The following KNL1 variants were observed in gnomAD, a reference collection of about 807,000 sequenced individuals.
The protein encoded by KNL1 is kinetochore scaffold 1.
KNL1 carries 66 observed loss-of-function variants against 201.3 expected under a neutral mutation model. The ratio of observed to expected loss-of-function variants is 0.33; its 90% CI spans 0.27 to 0.40. KNL1 has a LOEUF of 0.40. Among genes scored for constraint, KNL1 ranks in the 10% least tolerant of loss-of-function variants. The probability of loss-of-function intolerance (pLI) is 1.00; values close to 1 mark genes in which losing one functional copy is unlikely to be tolerated. For synonymous variants in KNL1, 895 were observed against 899.2 expected, an observed-to-expected ratio of 1.00 and a Z score of 0.08; for missense variants, 2,815 against 2,690.5, an observed-to-expected ratio of 1.05 and a Z score of -1.02.
chr15:40,596,247 G>T (rs1595909460), intron 1 of KNL1, among the ~76,000 whole-genome samples: 1 of 152,118 alleles, frequency 6.6e-6, no homozygotes, highest in South Asian at 2.1e-4. Flanking sequence ...AGAAATTGAA[G>T]GAAAATATGA....
At chr15:40,661,148 C>A (rs1331969754) in intron 25 of KNL1, among the ~76,000 whole-genome samples, 3 of 151,334 alleles carry the variant, frequency 2.0e-5, no homozygotes, top group Non-Finnish European at 4.4e-5. Context: ...CCAAGGTGGG[C>A]AGATCACTTG....
At chr15:40,599,734 ATC>A (rs1328301306) in intron 1 of KNL1, among the ~76,000 whole-genome samples, 1 of 150,168 alleles carries the variant, frequency 6.7e-6, no homozygotes, top group Non-Finnish European at 1.5e-5. Context: ...TTACCTTTTA[ATC>A]TGTTAGTAAG....
rs974073902 is a variant in KNL1 at position 40,643,852 on chromosome 15, A to G, written c.5799-1145A>G. ...GAATAATCAGGCTTTTCTTGAATGAATTCCCCTCTTATTATGTAGAAAAAA... is the reference window on the plus strand; with the variant it reads ...GAATAATCAGGCTTTTCTTGAATGAGTTCCCCTCTTATTATGTAGAAAAAA... On this transcript the variant is annotated intron_variant, in intron 14 of 25. Transcript: ENST00000399668. Among the ~76,000 whole-genome samples, 4 of 152,158 alleles carry G rather than the reference A, an allele frequency of 2.6e-5. No homozygotes were observed. In the East Asian group the frequency reaches 7.7e-4, roughly 29 times the overall value.
At chr15:40,606,796 G>C (rs967440032) in intron 4 of KNL1, among the ~76,000 whole-genome samples, 6 of 152,126 alleles carry the variant, frequency 3.9e-5, no homozygotes, top group African/African-American at 1.2e-4. Flanking sequence ...GGGTCTGACT[G>C]TTGCCCAGAC....
chr15:40,651,123 G>C (rs1456228951), intron 19 of KNL1, among the ~76,000 whole-genome samples: 1 of 150,476 alleles, frequency 6.6e-6, no homozygotes, highest in Non-Finnish European at 1.5e-5. Flanking sequence ...TATATCTTAT[G>C]ATCTACATTA....
intron 16 of KNL1, 83 bp from the exon 17 acceptor site, chr15:40,646,904 G>T: frequency 1.7e-6 from 1 of 593,974 alleles, no homozygotes. Context: ...GATCATGATA[G>T]AGCGATTATG....
chr15:40,625,457 A>G lies in KNL1; in HGVS notation c.5193A>G (p.Ile1731Met), dbSNP rs1171154686. The change falls in exon 10 of 26, where the codon ATA (isoleucine) becomes ATG (methionine). Residue 1731 changes from isoleucine (I) to methionine (M), a missense_variant. Ile to Met is a conservative substitution (Grantham distance 10). Transcript: ENST00000399668. ...DEINSSDSIN[I>M]ETEEKALIET... ...TCAATTCTTCAGACTCTATTAACAT[A>G]GAAACTGAGGAAAAGGCCTTGATTG... is the stretch of plus-strand genomic sequence containing the variant. 1 of 1,614,014 alleles carries G rather than the reference A, an allele frequency of 6.2e-7. No individual in the cohort carries two copies. Among genetic ancestry groups the G allele is most frequent in the Non-Finnish European group, 8.5e-7 (1 of 1,179,974 alleles).
intron 12 of KNL1, 63 bp downstream of exon 12, chr15:40,628,741 C>A: frequency 9.6e-7 from 1 of 1,040,824 alleles, no homozygotes; most frequent in Non-Finnish European, 1.4e-6. Context: ...CGTCTCATTT[C>A]TAATACACGT....
Position 40,605,135 on chromosome 15 carries a change from A to G in KNL1, c.61A>G (p.Arg21Gly), listed in dbSNP as rs1217606683. The stretch of plus-strand genomic sequence containing the variant: ...TGACAATATAGAGAGACCTGTTAGA[A>G]GACGGCATTCTTCAGTAAGAAAGAC... ...ENDNIERPVR[R>G]RHSSILKPPR... is the part of the protein sequence containing the mutation. Residue 21 changes from arginine to glycine, a missense_variant, in exon 3 of 26, where the codon AGA (arginine) becomes GGA (glycine). By Grantham distance (125) the Arg-to-Gly change is moderately radical. Transcript: ENST00000399668. The G allele has an allele frequency of 6.8e-7, 1 of 1,476,994 alleles. No homozygotes were observed. The highest frequency in any genetic ancestry group is 9.5e-7 in the Non-Finnish European group (1 of 1,055,916). The allele number at this position is 1,476,994 out of a possible 1,614,324, so 91.5% of individuals were successfully genotyped here. A position where few individuals can be genotyped will look rare whatever the true frequency, so the allele number is the denominator to read the frequency against.
chr15:40,618,179 T>C (rs1037448422), intron 8 of KNL1, among the ~76,000 whole-genome samples: 1 of 151,972 alleles, frequency 6.6e-6, no homozygotes, highest in South Asian at 2.1e-4. Context: ...TTTGTAGTTC[T>C]AAAATAAGTC....
chr15:40,604,144 A>G (rs1009801946), intron 2 of KNL1, among the ~76,000 whole-genome samples: 1 of 151,800 alleles, frequency 6.6e-6, no homozygotes, highest in South Asian at 2.1e-4. Flanking sequence ...CATCATCATC[A>G]TCATCATCTC....
Position 40,646,988 on chromosome 15 carries a change from A to G in KNL1, c.6008A>G (p.Asn2003Ser), listed in dbSNP as rs376433284. ...LYGKLVQSAQ[N>S]EREKLQIKID... ...CAGTCTATAATCTTTTGTATTTAGA[A>G]TGAGAGGGAGAAACTTCAAATAAAG... Residue 2003 changes from asparagine to serine, a missense_variant and splice_region_variant, in exon 17 of 26, where the codon AAT becomes AGT. Around this residue, in one of 3 missense-constraint regions of KNL1, gnomAD observed 334 missense variants for 362.6 expected, o/e 0.92. Transcript: ENST00000399668. The G allele has an allele frequency of 6.8e-6, 9 of 1,323,442 alleles. No individual in the cohort carries two copies. The highest frequency in any genetic ancestry group is 9.8e-6 in the Non-Finnish European group (9 of 916,398). The allele number at this position is 1,323,442 out of a possible 1,614,324, so 82.0% of individuals were successfully genotyped here. A position where few individuals can be genotyped will look rare whatever the true frequency, so the allele number is the denominator to read the frequency against.
chr15:40,644,913 A>G (rs1008719247), intron 14 of KNL1, 84 bp from the exon 15 acceptor site: 7 of 769,790 alleles, frequency 9.1e-6, no homozygotes, highest in Non-Finnish European at 1.5e-5. Flanking sequence ...GGAGTCTCTT[A>G]CGTCTTTCCT....
At chr15:40,606,703 A>G (rs182702511) in intron 4 of KNL1, among the ~76,000 whole-genome samples, 63 of 152,276 alleles carry the variant, frequency 4.1e-4, no homozygotes, top group African/African-American at 8.4e-4. Context: ...GGCTCAATCA[A>G]TCTTCCCGCC....
intron 20 of KNL1, 62 bp downstream of exon 20, chr15:40,651,634 G>T (rs910845664): frequency 1.7e-6 from 2 of 1,150,364 alleles, no homozygotes; most frequent in Non-Finnish European, 2.5e-6. Context: ...TGTTTAAACC[G>T]ATTGGAGCAA....
chr15:40,642,731 G>T (rs946257885), intron 14 of KNL1, among the ~76,000 whole-genome samples: 1 of 152,104 alleles, frequency 6.6e-6, no homozygotes, highest in Non-Finnish European at 1.5e-5. Flanking sequence ...GGGTTCAAGC[G>T]ATTCTCTTGC....
chr15:40,652,284 TA>T (rs768782743), intron 21 of KNL1, among the ~76,000 whole-genome samples, 179 bp downstream of exon 21: 5 of 152,120 alleles, frequency 3.3e-5, no homozygotes, highest in Non-Finnish European at 7.4e-5. Context: ...AAGAATAAAA[TA>T]AAAATGGAAT....
chr15:40,618,320 T>A (rs1002058059), intron 8 of KNL1, among the ~76,000 whole-genome samples: 17 of 152,080 alleles, frequency 1.1e-4, no homozygotes, highest in African/African-American at 3.9e-4. Context: ...CTTATTACTT[T>A]TTACTATTTT....
intron 13 of KNL1, among the ~76,000 whole-genome samples, chr15:40,635,681 G>C (rs1893036849): frequency 1.3e-5 from 2 of 152,090 alleles, no homozygotes; most frequent in African/African-American, 4.8e-5. Context: ...GGCAGGGGGA[G>C]AGATGTGTGC....
Sources: gnomAD v4.1 joint callset for allele counts (sites outside exome capture counted in the v4.1 genomes callset) on GRCh38, gnomAD v4.1.1 for gene constraint, gnomAD v4.1.1 regional missense constraint, MANE v1.5 for transcripts, NCBI Gene and HGNC (gene_info 2026-07-23, HGNC 2026-07-21) for gene names.